The following FRMD4B variants were observed in gnomAD, a reference collection of about 807,000 sequenced individuals.
The protein encoded by FRMD4B is FERM domain containing 4B.
A neutral mutation model predicts 141.5 loss-of-function variants in FRMD4B; 74 were observed. The ratio of observed to expected loss-of-function variants is 0.52; its 90% CI spans 0.43 to 0.63. The LOEUF is 0.63. FRMD4B is among the 30% of genes least tolerant of loss of function. FRMD4B has a pLI of 0.00. For synonymous variants in FRMD4B, 506 were observed against 467.9 expected (o/e 1.08, Z -1.05); for missense variants, 1,366 against 1,253.4 (o/e 1.09, Z -1.36).
intron 1 of FRMD4B, among the ~76,000 whole-genome samples, chr3:69,314,339 A>G (rs1366387101): frequency 7.1e-6 from 1 of 141,534 alleles, no homozygotes; most frequent in Non-Finnish European, 1.5e-5. Flanking sequence ...ACCAGCCTGG[A>G]CAACATAGTG....
chr3:69,321,447 GA>G (rs1701993402), intron 1 of FRMD4B, among the ~76,000 whole-genome samples: 1 of 152,120 alleles, frequency 6.6e-6, no homozygotes, highest in Admixed American at 6.5e-5. Context: ...GCCTCCTCAG[GA>G]TTTTCTGTGC....
At chr3:69,231,344 G>A (rs964627598) in intron 7 of FRMD4B, among the ~76,000 whole-genome samples, 2 of 152,146 alleles carry the variant, frequency 1.3e-5, no homozygotes, top group African/African-American at 4.8e-5. Context: ...CTGGAGTGCA[G>A]TGGCACCATC....
chr3:69,300,209 G>T (rs572110835), intron 4 of FRMD4B, among the ~76,000 whole-genome samples: 1 of 152,148 alleles, frequency 6.6e-6, no homozygotes, highest in East Asian at 1.9e-4. Context: ...ATTCTTTGGC[G>T]TGTGCTTTTC....
At chr3:69,381,183 C>T (rs1373714740) in intron 1 of FRMD4B, among the ~76,000 whole-genome samples, 1 of 152,196 alleles carries the variant, frequency 6.6e-6, no homozygotes, top group Non-Finnish European at 1.5e-5. Flanking sequence ...TACAGAAATA[C>T]CTTATAGCTA....
chr3:69,291,250 T>G (rs1160908329), intron 4 of FRMD4B, among the ~76,000 whole-genome samples: 1 of 152,218 alleles, frequency 6.6e-6, no homozygotes, highest in African/African-American at 2.4e-5. Context: ...TTTCCTTCAC[T>G]TTTAATTACT....
At chr3:69,456,893 C>T (rs1258559585) in intron 1 of FRMD4B, among the ~76,000 whole-genome samples, 2 of 152,142 alleles carry the variant, frequency 1.3e-5, no homozygotes, top group Non-Finnish European at 2.9e-5. Context: ...ACTAAAATGG[C>T]GCAGCTGAGT....
At position 69,427,857 on chromosome 3, in the gene FRMD4B, T is replaced by C. The variant is rs1056037211; in HGVS notation, c.-1+4777A>G. On this transcript the variant is annotated intron_variant, in intron 2 of 5. Transcript: ENST00000459638. ...TTTTAGTAGAGACTGGGTTTCACCATGTTGGCCAGGCTGGTCTCGAACTCC... is the reference window on the plus strand; with the variant it reads ...TTTTAGTAGAGACTGGGTTTCACCACGTTGGCCAGGCTGGTCTCGAACTCC... Among the ~76,000 whole-genome samples, 5 of 151,848 alleles carry C rather than the reference T, an allele frequency of 3.3e-5. 1 individual carries two copies. Among genetic ancestry groups the C allele is most frequent in the Admixed American group, 2.0e-4 (3 of 15,234 alleles).
Position 69,496,628 on chromosome 3 carries a change from AG to A in FRMD4B, c.-129+45577del, listed in dbSNP as rs1353421616. 4.6e-3 allele frequency among the ~76,000 whole-genome samples: 415 copies of A among 89,640 alleles called. 1 individual carries two copies. Among genetic ancestry groups the A allele is most frequent in the Admixed American group, 0.01 (92 of 9,000 alleles). The allele number at this position is 89,640 out of a possible 152,430, so 58.8% of individuals were successfully genotyped here. A position where few individuals can be genotyped will look rare whatever the true frequency, so the allele number is the denominator to read the frequency against. ...GAGAGAGAGTGAGAGAGAGAGAGAG[AG>A]AGAGAGAAAGAGAGAGAGAGAGAGA... On this transcript the variant is annotated intron_variant, in intron 1 of 5. Transcript: ENST00000459638.
chr3:69,190,709 C>G (rs945009555), intron 17 of FRMD4B, among the ~76,000 whole-genome samples: 5 of 152,190 alleles, frequency 3.3e-5, no homozygotes, highest in Admixed American at 2.0e-4. Context: ...ATCACTATGA[C>G]TGGCCAAGCT....
intron 1 of FRMD4B, among the ~76,000 whole-genome samples, chr3:69,435,772 A>C (rs1017679173): frequency 3.3e-5 from 5 of 152,210 alleles, no homozygotes; most frequent in African/African-American, 1.2e-4. Flanking sequence ...CGTGGGAGGT[A>C]GTTTCTAAAG....
At chr3:69,222,240 A>G (rs564444520) in intron 8 of FRMD4B, among the ~76,000 whole-genome samples, 1 of 152,146 alleles carries the variant, frequency 6.6e-6, no homozygotes, top group African/African-American at 2.4e-5. Flanking sequence ...TAGGAGGCTG[A>G]GGGGATCATG....
In FRMD4B at chr3:69,181,720, G is replaced by A; in HGVS notation, c.2040-10C>T. ...AGATGAAGATTCGGGTCTGAAAGAG[G>A]AGAAAGGCAAACTTCTCAACACCAA... On this transcript the variant is annotated splice_polypyrimidine_tract_variant and intron_variant, in intron 20 of 22. Transcript: ENST00000398540. 1.3e-6 allele frequency: 2 copies of A among 1,580,166 alleles called. No homozygotes were observed. The highest frequency in any genetic ancestry group is 1.7e-6 in the Non-Finnish European group (2 of 1,157,516).
chr3:69,514,416 T>A (rs1700715431), intron 1 of FRMD4B, among the ~76,000 whole-genome samples: 2 of 152,026 alleles, frequency 1.3e-5, no homozygotes, highest in African/African-American at 2.4e-5. Context: ...TAGGCCAAGT[T>A]CAGTGGCTCA....
At chr3:69,484,765 C>T (rs879826227) in intron 1 of FRMD4B, among the ~76,000 whole-genome samples, 3 of 152,088 alleles carry the variant, frequency 2.0e-5, no homozygotes, top group Non-Finnish European at 2.9e-5. Flanking sequence ...CTGGTCCTCT[C>T]ATCATCTCTC....
At chr3:69,411,575 A>G (rs1471986793) in intron 2 of FRMD4B, among the ~76,000 whole-genome samples, 1 of 152,200 alleles carries the variant, frequency 6.6e-6, no homozygotes, top group Non-Finnish European at 1.5e-5. Flanking sequence ...GGAATCAGAA[A>G]TGTTCTGTCT....
rs187274305 is a variant in FRMD4B at position 69,309,333 on chromosome 3, G to T, written c.323+1930C>A. Among the ~76,000 whole-genome samples the T allele has an allele frequency of 4.1e-3, 621 of 149,770 alleles. 3 individuals carry two copies. The highest frequency in any genetic ancestry group is 0.014 in the African/African-American group (575 of 40,646). On this transcript the variant is annotated intron_variant, in intron 3 of 22. Coordinates refer to ENST00000398540, the MANE Select transcript of FRMD4B (RefSeq NM_015123.3). ...TTTTTTTTTTTTTCGTAGAGATGGG[G>T]TCTCACTATGTTGCCTAGGCTGGTC...
chr3:69,375,307 A>ATCCATCCATCCATCCATCCATCCT (rs1553732604), intron 1 of FRMD4B, among the ~76,000 whole-genome samples: 1 of 149,180 alleles, frequency 6.7e-6, no homozygotes, highest in African/African-American at 2.5e-5. Context: ...CCATCCATCC[A>ATCCATCCATCCATCCATCCATCCT]TCCTTCCTTC....
At chr3:69,370,618 T>G (rs2107489290) in intron 1 of FRMD4B, among the ~76,000 whole-genome samples, 1 of 152,362 alleles carries the variant, frequency 6.6e-6, no homozygotes, top group Admixed American at 6.5e-5. Context: ...CACATACAAA[T>G]GTATTTCAAC....
At chr3:69,342,497 T>C (rs993495166) in intron 1 of FRMD4B, among the ~76,000 whole-genome samples, 7 of 152,238 alleles carry the variant, frequency 4.6e-5, no homozygotes, top group African/African-American at 1.7e-4. Context: ...CACTCAATCT[T>C]CTGATGGTGT....
Sources: gnomAD v4.1 joint callset for allele counts (sites outside exome capture counted in the v4.1 genomes callset) on GRCh38, gnomAD v4.1.1 for gene constraint, MANE v1.5 for transcripts, NCBI Gene and HGNC (gene_info 2026-07-23, HGNC 2026-07-21) for gene names.